Variants in ANKRD33B observed in about 807,000 individuals in gnomAD.
ANKRD33B encodes ankyrin repeat domain 33B.
Under a neutral mutation model 21.5 loss-of-function variants are expected in ANKRD33B, and 6 were observed. The ratio of observed to expected loss-of-function variants is 0.28; its 90% CI spans 0.15 to 0.55. The LOEUF (loss-of-function observed/expected upper bound fraction) is 0.55, where lower values mean the gene tolerates loss of function less well. ANKRD33B is among the 20% of genes least tolerant of loss of function. The probability of loss-of-function intolerance (pLI) is 0.94; values close to 1 mark genes in which losing one functional copy is unlikely to be tolerated. For synonymous variants in ANKRD33B, 347 were observed against 342.4 expected (o/e 1.01, Z -0.15); for missense variants, 698 against 747.2 (o/e 0.93, Z 0.77).
intron 3 of ANKRD33B, among the ~76,000 whole-genome samples, chr5:10,638,944 A>G (rs543013601): frequency 2.4e-4 from 29 of 122,744 alleles, no homozygotes; most frequent in Admixed American, 2.2e-3. Context: ...CGGCGATATT[A>G]GCGGGTGACG....
chr5:10,618,781 G>A (rs183190053), intron 2 of ANKRD33B, among the ~76,000 whole-genome samples: 31 of 152,306 alleles, frequency 2.0e-4, no homozygotes, highest in Admixed American at 1.5e-3. Flanking sequence ...GGGGTGGCAC[G>A]AGGCTGGCAG....
In ANKRD33B at chr5:10,650,927, A is replaced by G. The variant is rs1330500669; in HGVS notation, c.*814A>G. 2.0e-5 allele frequency: 3 copies of G among 152,364 alleles called. No homozygotes were observed. Among genetic ancestry groups the G allele is most frequent in the African/African-American group, 7.2e-5 (3 of 41,448 alleles). The allele number at this position is 152,364 out of a possible 1,614,324, so 9.4% of individuals were successfully genotyped here. ...ACGAAATCTTTAACATTAAAAATAG[A>G]TATGAGAAAAAAACTGTCATTCGAT... On this transcript the variant is annotated 3_prime_UTR_variant, in exon 4 of 4. Coordinates refer to ENST00000296657, the MANE Select transcript of ANKRD33B (RefSeq NM_001164440.2).
intron 1 of ANKRD33B, among the ~76,000 whole-genome samples, chr5:10,602,035 T>G (rs750027579): frequency 7.2e-4 from 110 of 152,250 alleles, no homozygotes; most frequent in Admixed American, 7.2e-3. Flanking sequence ...TAGCAGAGAC[T>G]GGGCAAGACA....
chr5:10,570,117 T>C (rs1204190829), intron 1 of ANKRD33B, among the ~76,000 whole-genome samples: 1 of 152,130 alleles, frequency 6.6e-6, no homozygotes, highest in African/African-American at 2.4e-5. Context: ...GCTCAAGTGA[T>C]CCACCCACCT....
chr5:10,613,152 G>A (rs1179571813), intron 1 of ANKRD33B, among the ~76,000 whole-genome samples: 3 of 152,132 alleles, frequency 2.0e-5, no homozygotes, highest in South Asian at 2.1e-4. Context: ...CCTGGCTGTC[G>A]TGGGCTCCCG....
At chr5:10,573,252 A>G (rs761620438) in intron 1 of ANKRD33B, among the ~76,000 whole-genome samples, 12 of 151,980 alleles carry the variant, frequency 7.9e-5, no homozygotes, top group Non-Finnish European at 1.8e-4. Context: ...GCAGATAACG[A>G]GGTCAGGAAA....
intron 3 of ANKRD33B, among the ~76,000 whole-genome samples, chr5:10,641,712 G>A (rs571049858): frequency 3.3e-5 from 5 of 152,116 alleles, no homozygotes; most frequent in African/African-American, 1.2e-4. Flanking sequence ...TTTAACCTTA[G>A]GGGATTCTTT....
At chr5:10,623,655 G>A (rs1300363401) in intron 2 of ANKRD33B, among the ~76,000 whole-genome samples, 2 of 152,240 alleles carry the variant, frequency 1.3e-5, no homozygotes, top group East Asian at 1.9e-4. Context: ...GAAGATTCCT[G>A]TGTTCTCAGC....
chr5:10,622,049 T>C lies in ANKRD33B; in HGVS notation c.496+3587T>C, dbSNP rs574718410. 2.0e-5 allele frequency among the ~76,000 whole-genome samples: 3 copies of C among 152,336 alleles called. No individual in the cohort carries two copies. In the South Asian group the frequency reaches 6.2e-4, roughly 32 times the overall value. On this transcript the variant is annotated intron_variant, in intron 2 of 3. Transcript: ENST00000296657. ...CCTCCAGAACTGTGAGAAATAAATG[T>C]CTATTGTTTAAGCCACCTAGTCTAT...
chr5:10,605,534 C>CT (rs35088716), intron 1 of ANKRD33B, among the ~76,000 whole-genome samples: 39,632 of 146,750 alleles, frequency 0.27, 5,684 homozygotes, highest in Admixed American at 0.45. Context: ...TTTCTTCTTC[C>CT]TTTTTTTTTT....
At chr5:10,581,341 G>A (rs1003979323) in intron 1 of ANKRD33B, among the ~76,000 whole-genome samples, 2 of 152,262 alleles carry the variant, frequency 1.3e-5, no homozygotes, top group Non-Finnish European at 2.9e-5. Flanking sequence ...TTTCAGCCAG[G>A]TGTCCTAGGG....
chr5:10,586,589 A>G (rs1275897855), intron 1 of ANKRD33B, among the ~76,000 whole-genome samples: 3 of 151,742 alleles, frequency 2.0e-5, no homozygotes, highest in African/African-American at 7.3e-5. Context: ...CATTCAGACC[A>G]ACAAACAGTT....
At position 10,632,101 on chromosome 5, in the gene ANKRD33B, G is replaced by T. The variant is rs1353571765; in HGVS notation, c.497-5927G>T. On this transcript the variant is annotated intron_variant, in intron 2 of 3. Transcript: ENST00000296657. The stretch of plus-strand genomic sequence containing the variant: ...ACTCAGTTTTCAAGGGTTCTCTGGG[G>T]TCCCCTTGGGCAGGAGGGGGTCGGT... Among the ~76,000 whole-genome samples the T allele has an allele frequency of 2.0e-5, 3 of 151,962 alleles. No homozygotes were observed. In the East Asian group the frequency reaches 5.8e-4, roughly 29 times the overall value.
At chr5:10,609,881 C>A (rs1274589722) in intron 1 of ANKRD33B, among the ~76,000 whole-genome samples, 1 of 152,048 alleles carries the variant, frequency 6.6e-6, no homozygotes, top group Non-Finnish European at 1.5e-5. Flanking sequence ...TGCACTATAG[C>A]CTGGGTGACA....
At chr5:10,622,805 TTTA>T (rs1560977689) in intron 2 of ANKRD33B, among the ~76,000 whole-genome samples, 5,171 of 117,866 alleles carry the variant, frequency 0.044, 396 homozygotes, top group African/African-American at 0.11. Flanking sequence ...TTTATTTTAT[TTTA>T]TTTTTTTTTT....
intron 1 of ANKRD33B, among the ~76,000 whole-genome samples, chr5:10,584,273 C>T (rs965616469): frequency 3.3e-5 from 5 of 152,114 alleles, no homozygotes; most frequent in East Asian, 1.9e-4. Flanking sequence ...CAGCTGGGGG[C>T]GGTGGCTTAT....
intron 3 of ANKRD33B, among the ~76,000 whole-genome samples, chr5:10,645,752 G>A (rs916157124): frequency 6.6e-6 from 1 of 152,208 alleles, no homozygotes; most frequent in Admixed American, 6.5e-5. Flanking sequence ...TTCGTCAGGA[G>A]GCAGAACCCT....
rs573386617 is a variant in ANKRD33B at position 10,608,154 on chromosome 5, G to A, written c.367-10179G>A. Among the ~76,000 whole-genome samples the A allele has an allele frequency of 3.5e-4, 52 of 146,778 alleles. 1 individual carries two copies. In the East Asian group the frequency reaches 9.9e-3, roughly 28 times the overall value. ...ACTTGAGGTCAGGAGCTCGAGACCA[G>A]CCTGATCAACATGGTGAAACCCTGT... On this transcript the variant is annotated intron_variant, in intron 1 of 3. Coordinates refer to ENST00000296657, the MANE Select transcript of ANKRD33B (RefSeq NM_001164440.2).
At chr5:10,641,138 A>G (rs1737045110) in intron 3 of ANKRD33B, among the ~76,000 whole-genome samples, 1 of 150,646 alleles carries the variant, frequency 6.6e-6, no homozygotes, top group South Asian at 2.1e-4. Flanking sequence ...GCTTCCATTA[A>G]TGTCACTTTT....
Sources: gnomAD v4.1 joint callset for allele counts (sites outside exome capture counted in the v4.1 genomes callset) on GRCh38, gnomAD v4.1.1 for gene constraint, MANE v1.5 for transcripts, NCBI Gene and HGNC (gene_info 2026-07-23, HGNC 2026-07-21) for gene names.